Variants in TDRD5 observed in about 807,000 individuals in gnomAD.
TDRD5 encodes the protein tudor domain containing 5.
Under a neutral mutation model 120.6 loss-of-function variants are expected in TDRD5, and 41 were observed. That is an observed-to-expected ratio of 0.34 (90% confidence interval 0.26 to 0.44). The LOEUF (loss-of-function observed/expected upper bound fraction) is 0.44, where lower values mean the gene tolerates loss of function less well. Among genes scored for constraint, TDRD5 ranks in the 20% least tolerant of loss-of-function variants. The pLI is 1.00. For synonymous variants in TDRD5, 430 were observed against 433.7 expected, an observed-to-expected ratio of 0.99 and a Z score of 0.11; for missense variants, 1,006 against 1,221.2, an observed-to-expected ratio of 0.82 and a Z score of 2.63.
intron 4 of TDRD5, among the ~76,000 whole-genome samples, chr1:179,597,033 G>C (rs1383890865): frequency 1.3e-5 from 2 of 152,102 alleles, no homozygotes; most frequent in African/African-American, 2.4e-5. Flanking sequence ...TTTTAAGTTG[G>C]ATCATAATAA....
chr1:179,676,333 A>G (rs1207534475), intron 17 of TDRD5, among the ~76,000 whole-genome samples: 1 of 152,200 alleles, frequency 6.6e-6, no homozygotes, highest in Non-Finnish European at 1.5e-5. Flanking sequence ...TAAGTGGAGC[A>G]TTGAGGCCAT....
chr1:179,672,025 T>C (rs959905569), intron 17 of TDRD5, among the ~76,000 whole-genome samples: 1 of 151,530 alleles, frequency 6.6e-6, no homozygotes, highest in Admixed American at 6.6e-5. Context: ...CATTGATTGA[T>C]GGGCATTTGA....
chr1:179,597,964 T>A (rs887865951), intron 4 of TDRD5, among the ~76,000 whole-genome samples: 18 of 152,232 alleles, frequency 1.2e-4, no homozygotes, highest in Non-Finnish European at 2.1e-4. Context: ...TATAGTCCTG[T>A]GTCAATGACA....
chr1:179,635,556 A>G (rs1677717975), intron 8 of TDRD5, 111 bp from the exon 9 acceptor site: 1 of 1,041,520 alleles, frequency 9.6e-7, no homozygotes, highest in Non-Finnish European at 1.4e-6. Context: ...TATTTTTATA[A>G]TTTCCCAAGT....
chr1:179,656,866 A>G (rs914293300), intron 14 of TDRD5, among the ~76,000 whole-genome samples: 4 of 152,200 alleles, frequency 2.6e-5, no homozygotes, highest in African/African-American at 9.7e-5. Flanking sequence ...AGCCTGGCCA[A>G]CATGGCAAAA....
chr1:179,675,783 C>G (rs571899430), intron 17 of TDRD5, among the ~76,000 whole-genome samples: 2 of 152,238 alleles, frequency 1.3e-5, no homozygotes, highest in African/African-American at 4.8e-5. Context: ...TGTGGCCTAT[C>G]ATGTGGTCTA....
chr1:179,593,637 G>C lies in TDRD5; in HGVS notation c.410G>C (p.Ser137Thr). The change falls in exon 3 of 18, where the codon AGT becomes ACT. Residue 137 changes from serine to threonine, a missense_variant. Ser to Thr is a moderately conservative substitution (Grantham distance 58). This residue lies in a region of TDRD5 where 445 missense variants were observed against 515.5 expected (regional missense o/e 0.86). Coordinates refer to ENST00000444136, the MANE Select transcript of TDRD5 (RefSeq NM_001199085.3). ...VAPILPAVVKSELKDLLALSP... is the reference protein window; with the variant it reads ...VAPILPAVVKTELKDLLALSP... Reference sequence around the variant, plus strand: ...CCTATTCTTCCAGCTGTTGTGAAGAGTGAGTTGAAGGACCTGTTGGCGTTA... The same window carrying C: ...CCTATTCTTCCAGCTGTTGTGAAGACTGAGTTGAAGGACCTGTTGGCGTTA... 6.2e-7 allele frequency: 1 copy of C among 1,614,270 alleles called. No individual in the cohort carries two copies. The highest frequency in any genetic ancestry group is 8.5e-7 in the Non-Finnish European group (1 of 1,180,050).
intron 17 of TDRD5, among the ~76,000 whole-genome samples, chr1:179,682,790 A>G (rs1300011265): frequency 6.6e-5 from 10 of 151,720 alleles, no homozygotes; most frequent in Non-Finnish European, 1.5e-4. Context: ...AATACCTAAT[A>G]CCTTCTGAGA....
intron 17 of TDRD5, among the ~76,000 whole-genome samples, chr1:179,687,675 T>A (rs1680803683): frequency 6.6e-6 from 1 of 152,264 alleles, no homozygotes; most frequent in Non-Finnish European, 1.5e-5. Context: ...TGTGTGGGAG[T>A]CTAAGTCTCT....
intron 6 of TDRD5, among the ~76,000 whole-genome samples, chr1:179,626,997 G>T (rs1181291620): frequency 6.6e-6 from 1 of 151,698 alleles, no homozygotes; most frequent in Non-Finnish European, 1.5e-5. Flanking sequence ...GGACTTAAAA[G>T]AAAAAAATTT....
intron 6 of TDRD5, among the ~76,000 whole-genome samples, chr1:179,625,433 A>T (rs1313577560): frequency 6.6e-6 from 1 of 152,240 alleles, no homozygotes; most frequent in Non-Finnish European, 1.5e-5. Context: ...AAGGACTTAT[A>T]TTCAGAATAC....
chr1:179,686,943 A>G (rs548382914), intron 17 of TDRD5, among the ~76,000 whole-genome samples: 2 of 151,452 alleles, frequency 1.3e-5, no homozygotes, highest in African/African-American at 2.4e-5. Context: ...TTTGTTCTTT[A>G]TTAGTCTTGC....
At chr1:179,626,077 G>A (rs377261980) in intron 6 of TDRD5, among the ~76,000 whole-genome samples, 1 of 151,690 alleles carries the variant, frequency 6.6e-6, no homozygotes, top group South Asian at 2.1e-4. Context: ...GGTGGGGCAG[G>A]GGGGAGGGAT....
At chr1:179,615,695 C>A (rs901271715) in intron 4 of TDRD5, among the ~76,000 whole-genome samples, 1 of 152,004 alleles carries the variant, frequency 6.6e-6, no homozygotes, top group African/African-American at 2.4e-5. Flanking sequence ...ATAGATATCC[C>A]TAACTTTTCC....
chr1:179,622,351 CTACAA>C (rs888719344), intron 6 of TDRD5, among the ~76,000 whole-genome samples: 11 of 152,094 alleles, frequency 7.2e-5, no homozygotes, highest in Non-Finnish European at 1.2e-4. Flanking sequence ...TCCAGATTCT[CTACAA>C]TACATCTATC....
At chr1:179,635,197 A>T (rs1340209308) in intron 8 of TDRD5, among the ~76,000 whole-genome samples, 1 of 152,162 alleles carries the variant, frequency 6.6e-6, no homozygotes, top group African/African-American at 2.4e-5. Context: ...AAATAGAAGG[A>T]AGGCCTAGAG....
At chr1:179,646,094 C>T (rs74928925) in intron 11 of TDRD5, among the ~76,000 whole-genome samples, 2,557 of 152,242 alleles carry the variant, frequency 0.017, 85 homozygotes, top group African/African-American at 0.059. Context: ...AACTCTTACA[C>T]TTTATTTTGT....
At chr1:179,679,192 C>T (rs751571371) in intron 17 of TDRD5, among the ~76,000 whole-genome samples, 6 of 152,076 alleles carry the variant, frequency 3.9e-5, no homozygotes, top group East Asian at 1.9e-4. Flanking sequence ...ATTAAACCAA[C>T]CTTACATTCC....
At chr1:179,662,980 A>T (rs573014826) in intron 15 of TDRD5, among the ~76,000 whole-genome samples, 27 of 152,322 alleles carry the variant, frequency 1.8e-4, no homozygotes, top group African/African-American at 6.5e-4. Context: ...ATTAGGCCTA[A>T]CTATATATAT....
Sources: gnomAD v4.1 joint callset for allele counts (sites outside exome capture counted in the v4.1 genomes callset) on GRCh38, gnomAD v4.1.1 for gene constraint, gnomAD v4.1.1 regional missense constraint, MANE v1.5 for transcripts, NCBI Gene and HGNC (gene_info 2026-07-23, HGNC 2026-07-21) for gene names.